Variants in UNC5D observed in about 807,000 individuals in gnomAD.
UNC5D encodes unc-5 netrin receptor D.
UNC5D carries 39 observed loss-of-function variants against 105.4 expected under a neutral mutation model. The observed-to-expected ratio is 0.37, with a 90% CI of 0.29 to 0.48. The LOEUF is 0.48. Ranked by LOEUF, UNC5D falls within the 20% of genes least tolerant of loss-of-function variation. The probability of loss-of-function intolerance (pLI) is 0.98; values close to 1 mark genes in which losing one functional copy is unlikely to be tolerated. For missense variants in UNC5D, 991 were observed against 1,202.4 expected (o/e 0.82, Z 2.60); for synonymous variants, 452 against 450.4 (o/e 1.00, Z -0.04).
At chr8:35,612,994 C>A (rs2130989489) in intron 4 of UNC5D, among the ~76,000 whole-genome samples, 1 of 152,130 alleles carries the variant, frequency 6.6e-6, no homozygotes, top group East Asian at 1.9e-4. Context: ...TTTGTGGAAA[C>A]CCTCTGCAGA....
chr8:35,641,573 A>G (rs900595126), intron 4 of UNC5D, among the ~76,000 whole-genome samples: 2 of 152,050 alleles, frequency 1.3e-5, no homozygotes, highest in Admixed American at 6.6e-5. Context: ...TACAATTTGT[A>G]ATATTTTATG....
rs1802136013 is a variant in UNC5D, at chr8:35,774,242, G to T, written c.2479-57G>T. On this transcript the variant is annotated intron_variant, in intron 15 of 16. Coordinates refer to ENST00000404895, the MANE Select transcript of UNC5D (RefSeq NM_080872.4). ...CCAGATTTTCTTAAAAAATGAAAGT[G>T]TTGGTCAGGACTGCTTTCAGATAGA... 7.6e-6 allele frequency: 12 copies of T among 1,586,918 alleles called. No individual in the cohort carries two copies. In the East Asian group the frequency reaches 2.7e-4, roughly 36 times the overall value.
chr8:35,757,857 A>G (rs937783907), intron 13 of UNC5D, among the ~76,000 whole-genome samples: 5 of 152,128 alleles, frequency 3.3e-5, no homozygotes, highest in South Asian at 2.1e-4. Context: ...ATCACGTTCA[A>G]CTCTGAAATC....
chr8:35,332,395 G>A (rs965727570), intron 1 of UNC5D, among the ~76,000 whole-genome samples: 2 of 152,138 alleles, frequency 1.3e-5, no homozygotes, highest in African/African-American at 4.8e-5. Flanking sequence ...GACAATAATA[G>A]CAGAGGCAGC....
At chr8:35,277,231 C>G (rs1447588686) in intron 1 of UNC5D, among the ~76,000 whole-genome samples, 1 of 152,176 alleles carries the variant, frequency 6.6e-6, no homozygotes, top group African/African-American at 2.4e-5. Context: ...CCAGTTTGAT[C>G]TGGGAACAAC....
rs1349826280 is a variant in UNC5D, at chr8:35,471,505, AT to A, written c.104-77780del. 2.0e-5 allele frequency among the ~76,000 whole-genome samples: 3 copies of A among 152,268 alleles called. No homozygotes were observed. In the East Asian group the frequency reaches 5.8e-4, roughly 29 times the overall value. On this transcript the variant is annotated intron_variant, in intron 1 of 16. Transcript: ENST00000404895. ...TAATATTGGAGAAAATAAATGAAAG[AT>A]TTTTTTCTGTATTAACTCAAGTTCC...
At chr8:35,382,222 A>G (rs1047452815) in intron 1 of UNC5D, among the ~76,000 whole-genome samples, 2 of 152,206 alleles carry the variant, frequency 1.3e-5, no homozygotes, top group Non-Finnish European at 2.9e-5. Context: ...GTGAATTGAA[A>G]GGCATCTAGA....
At chr8:35,327,918 G>C (rs2128891667) in intron 1 of UNC5D, among the ~76,000 whole-genome samples, 1 of 152,322 alleles carries the variant, frequency 6.6e-6, no homozygotes, top group Non-Finnish European at 1.5e-5. Context: ...AGAAGATTCG[G>C]ATAAGAGCAT....
At chr8:35,450,931 A>G (rs534128459) in intron 1 of UNC5D, among the ~76,000 whole-genome samples, 8 of 152,140 alleles carry the variant, frequency 5.3e-5, no homozygotes, top group Non-Finnish European at 1.2e-4. Flanking sequence ...AGGTTAAGTT[A>G]TGATATTTGG....
chr8:35,677,922 G>GTATATGTGTGTA (rs1395175142), intron 4 of UNC5D, among the ~76,000 whole-genome samples: 1 of 151,264 alleles, frequency 6.6e-6, no homozygotes, highest in African/African-American at 2.4e-5. Flanking sequence ...GTGTGTGTAT[G>GTATATGTGTGTA]TATATGTGTG....
intron 16 of UNC5D, among the ~76,000 whole-genome samples, chr8:35,784,453 G>T (rs1401510169): frequency 1.3e-5 from 2 of 152,172 alleles, no homozygotes; most frequent in African/African-American, 4.8e-5. Context: ...AAAATTTAGA[G>T]ATTAGATTGT....
chr8:35,400,303 C>T lies in UNC5D; in HGVS notation c.104-148989C>T, dbSNP rs182653876. ...ATCCAAATGCATTTTAATAAATTTA[C>T]CTTTAAGATGCCTATATTGTGAGTG... On this transcript the variant is annotated intron_variant, in intron 1 of 16. Coordinates refer to ENST00000404895, the MANE Select transcript of UNC5D (RefSeq NM_080872.4). Among the ~76,000 whole-genome samples the T allele has an allele frequency of 9.5e-4, 145 of 151,970 alleles. 2 individuals are homozygous for T. The highest frequency in any genetic ancestry group is 2.2e-3 in the Admixed American group (34 of 15,258).
intron 4 of UNC5D, among the ~76,000 whole-genome samples, chr8:35,628,569 T>G: frequency 6.6e-6 from 1 of 152,344 alleles, no homozygotes; most frequent in African/African-American, 2.4e-5. Context: ...TTCACTGACT[T>G]TTCTTCCTTT....
chr8:35,484,405 T>C (rs1032032336), intron 1 of UNC5D, among the ~76,000 whole-genome samples: 1 of 152,202 alleles, frequency 6.6e-6, no homozygotes, highest in African/African-American at 2.4e-5. Flanking sequence ...TCTATCAGCA[T>C]GTCTTATTAT....
chr8:35,690,268 G>A (rs1398542712), intron 7 of UNC5D, among the ~76,000 whole-genome samples: 1 of 152,156 alleles, frequency 6.6e-6, no homozygotes, highest in Non-Finnish European at 1.5e-5. Flanking sequence ...AAACGGGTGT[G>A]TTTGTAAAAG....
intron 1 of UNC5D, among the ~76,000 whole-genome samples, chr8:35,458,272 C>T (rs893111576): frequency 1.3e-5 from 2 of 152,134 alleles, no homozygotes; most frequent in African/African-American, 2.4e-5. Context: ...GTACCTTTCC[C>T]TACCTTGTAA....
intron 1 of UNC5D, among the ~76,000 whole-genome samples, chr8:35,431,052 CT>C (rs139380210): frequency 0.014 from 2,169 of 152,264 alleles, 60 homozygotes; most frequent in African/African-American, 0.05. Context: ...CCTCAGTTAT[CT>C]GTATACTTGA....
At chr8:35,464,532 C>T (rs1238780745) in intron 1 of UNC5D, among the ~76,000 whole-genome samples, 2 of 152,110 alleles carry the variant, frequency 1.3e-5, no homozygotes, top group Non-Finnish European at 2.9e-5. Flanking sequence ...GACTGCTCAG[C>T]CTATGTGCAG....
chr8:35,504,203 C>G (rs373297182), intron 1 of UNC5D, among the ~76,000 whole-genome samples: 2 of 152,138 alleles, frequency 1.3e-5, no homozygotes, highest in African/African-American at 4.8e-5. Flanking sequence ...ATTATGGCAC[C>G]AGCTGGATAC....
Sources: allele counts gnomAD v4.1 joint callset (sites outside exome capture counted in the v4.1 genomes callset), GRCh38; gene constraint gnomAD v4.1.1; transcripts MANE v1.5; gene names NCBI Gene and HGNC (gene_info 2026-07-23, HGNC 2026-07-21).